RGS13: variants seen among roughly 807,000 people sequenced by gnomAD.
RGS13 encodes the protein regulator of G-protein signalling 13.
Under a neutral mutation model 19.9 loss-of-function variants are expected in RGS13, and 14 were observed. The ratio of observed to expected loss-of-function variants is 0.70; its 90% CI spans 0.46 to 1.10. The LOEUF is 1.10. Among genes scored for constraint, RGS13 ranks in the 50% least tolerant of loss-of-function variants. The probability of loss-of-function intolerance (pLI) is 0.00; values close to 1 mark genes in which losing one functional copy is unlikely to be tolerated. For synonymous variants in RGS13, 60 were observed against 56.8 expected (o/e 1.06, Z -0.25); for missense variants, 205 against 187.1 (o/e 1.10, Z -0.56).
chr1:192,650,658 C>A (rs1368330040), intron 5 of RGS13, among the ~76,000 whole-genome samples: 1 of 151,938 alleles, frequency 6.6e-6, no homozygotes, highest in African/African-American at 2.4e-5. Context: ...CAATTAAATT[C>A]AACATCTCAG....
chr1:192,649,501 CAAT>C (rs1341809005), intron 5 of RGS13, among the ~76,000 whole-genome samples: 1 of 152,106 alleles, frequency 6.6e-6, no homozygotes, highest in Non-Finnish European at 1.5e-5. Context: ...ATTAAGCACA[CAAT>C]AATTGGTAGT....
chr1:192,652,602 A>T (rs968413438), intron 5 of RGS13, among the ~76,000 whole-genome samples: 1 of 150,378 alleles, frequency 6.6e-6, no homozygotes, highest in African/African-American at 2.4e-5. Context: ...CAATTAGTAC[A>T]TTTTTTTTTT....
At chr1:192,641,165 A>C (rs1031665028) in intron 3 of RGS13, among the ~76,000 whole-genome samples, 33 of 151,092 alleles carry the variant, frequency 2.2e-4, no homozygotes, top group African/African-American at 6.6e-4. Flanking sequence ...GGAAAGAAAG[A>C]GAGAGAAAGA....
At chr1:192,639,286 T>A (rs1663063954) in intron 3 of RGS13, among the ~76,000 whole-genome samples, 1 of 152,130 alleles carries the variant, frequency 6.6e-6, no homozygotes, top group Non-Finnish European at 1.5e-5. Flanking sequence ...AGGGAAGCTG[T>A]GGCTGGGCTG....
Sources: gnomAD v4.1 joint callset for allele counts (sites outside exome capture counted in the v4.1 genomes callset) on GRCh38, gnomAD v4.1.1 for gene constraint, MANE v1.5 for transcripts, NCBI Gene and HGNC (gene_info 2026-07-23, HGNC 2026-07-21) for gene names.